LRRTM4: variants seen among roughly 807,000 people sequenced by gnomAD.
LRRTM4 encodes the protein leucine-rich repeat transmembrane neuronal protein 4.
LRRTM4 carries 25 observed loss-of-function variants against 47.6 expected under a neutral mutation model. The ratio of observed to expected loss-of-function variants is 0.53; its 90% CI spans 0.38 to 0.73. The LOEUF (loss-of-function observed/expected upper bound fraction) is 0.73, where lower values mean the gene tolerates loss of function less well. Among genes scored for constraint, LRRTM4 ranks in the 30% least tolerant of loss-of-function variants. The pLI is 0.00. For synonymous variants in LRRTM4, 311 were observed against 269.5 expected, an observed-to-expected ratio of 1.15 and a Z score of -1.51; for missense variants, 638 against 713.4, an observed-to-expected ratio of 0.89 and a Z score of 1.20.
intron 3 of LRRTM4, among the ~76,000 whole-genome samples, chr2:76,873,019 G>A (rs930525014): frequency 2.0e-5 from 3 of 152,078 alleles, no homozygotes; most frequent in African/African-American, 4.8e-5. Flanking sequence ...TGTATAGCCT[G>A]TAGAATGATG....
chr2:77,085,436 T>C (rs1218510145), intron 3 of LRRTM4, among the ~76,000 whole-genome samples: 2 of 151,654 alleles, frequency 1.3e-5, no homozygotes, highest in African/African-American at 4.8e-5. Flanking sequence ...AATCTGATGC[T>C]ATCTCTTTCT....
At chr2:76,915,583 A>C (rs551060334) in intron 3 of LRRTM4, among the ~76,000 whole-genome samples, 1 of 152,254 alleles carries the variant, frequency 6.6e-6, no homozygotes, top group African/African-American at 2.4e-5. Context: ...GTAAATCTGA[A>C]TGTTTTATTT....
intron 3 of LRRTM4, chr2:77,009,527 A>G (rs1558795217): frequency 6.6e-6 from 1 of 152,162 alleles, no homozygotes; most frequent in Non-Finnish European, 1.5e-5. Flanking sequence ...CACATTTTCA[A>G]GTGCCAAAAG....
At chr2:77,504,164 C>T (rs989951211) in intron 3 of LRRTM4, among the ~76,000 whole-genome samples, 1 of 151,588 alleles carries the variant, frequency 6.6e-6, no homozygotes, top group East Asian at 1.9e-4. Context: ...GATATAGATT[C>T]AGGTCAGCAA....
chr2:77,065,241 A>C (rs1203623778), intron 3 of LRRTM4, among the ~76,000 whole-genome samples: 1 of 152,136 alleles, frequency 6.6e-6, no homozygotes, highest in African/African-American at 2.4e-5. Flanking sequence ...TTTCCACTCA[A>C]ATTTGCTGGA....
At chr2:76,987,772 T>A (rs6547110) in intron 3 of LRRTM4, among the ~76,000 whole-genome samples, 86,359 of 151,460 alleles carry the variant, frequency 0.57, 26,671 homozygotes, top group African/African-American at 0.8. Context: ...TAACATGAGC[T>A]CATGGTGTTC....
chr2:76,975,817 T>C (rs762838916), intron 3 of LRRTM4, among the ~76,000 whole-genome samples: 1 of 151,546 alleles, frequency 6.6e-6, no homozygotes, highest in Non-Finnish European at 1.5e-5. Context: ...TCTTATACTC[T>C]CTTATTTATT....
intron 3 of LRRTM4, among the ~76,000 whole-genome samples, chr2:76,820,930 T>C (rs1054762751): frequency 6.6e-6 from 1 of 151,626 alleles, no homozygotes; most frequent in Non-Finnish European, 1.5e-5. Context: ...TAGGGCAAAC[T>C]GGTAGGACAT....
chr2:77,024,637 T>G (rs1443634754), intron 3 of LRRTM4, among the ~76,000 whole-genome samples: 1 of 152,170 alleles, frequency 6.6e-6, no homozygotes, highest in Non-Finnish European at 1.5e-5. Context: ...GTTTTTATAG[T>G]ATTTTTTCCT....
intron 3 of LRRTM4, among the ~76,000 whole-genome samples, chr2:77,128,301 G>A (rs1671705787): frequency 6.6e-6 from 1 of 152,062 alleles, no homozygotes; most frequent in African/African-American, 2.4e-5. Flanking sequence ...AAAGCAGTTG[G>A]TATGATTTGA....
At chr2:76,823,335 G>T (rs1347651472) in intron 3 of LRRTM4, among the ~76,000 whole-genome samples, 2 of 151,308 alleles carry the variant, frequency 1.3e-5, no homozygotes, top group Non-Finnish European at 3.0e-5. Context: ...AAAGCAATCA[G>T]CCATGAATAC....
chr2:77,331,232 G>A (rs1287149856), intron 3 of LRRTM4, among the ~76,000 whole-genome samples: 1 of 152,012 alleles, frequency 6.6e-6, no homozygotes, highest in Non-Finnish European at 1.5e-5. Context: ...TCTTATGACA[G>A]ATGTATATTC....
chr2:77,489,989 C>A (rs1250882604), intron 3 of LRRTM4, among the ~76,000 whole-genome samples: 1 of 152,182 alleles, frequency 6.6e-6, no homozygotes, highest in Non-Finnish European at 1.5e-5. Context: ...GTGGCTAACG[C>A]CTGTAATCCC....
intron 3 of LRRTM4, among the ~76,000 whole-genome samples, chr2:76,808,530 T>C (rs1319290450): frequency 6.6e-6 from 1 of 151,924 alleles, no homozygotes; most frequent in Non-Finnish European, 1.5e-5. Context: ...ACAATCACAA[T>C]TTTGGGGGTT....
chr2:76,859,247 T>C (rs1672243878), intron 3 of LRRTM4, among the ~76,000 whole-genome samples: 5 of 152,150 alleles, frequency 3.3e-5, no homozygotes, highest in Admixed American at 3.3e-4. Context: ...ATCCCAGCTT[T>C]GTCATTTACT....
rs551082636 is a variant in LRRTM4 at position 77,276,351 on chromosome 2, A to G, written c.1551+241967T>C. On this transcript the variant is annotated intron_variant, in intron 3 of 3. Coordinates refer to ENST00000409884, the MANE Select transcript of LRRTM4 (RefSeq NM_001134745.3). The stretch of plus-strand genomic sequence containing the variant: ...AAGGAAGGAAGGAAGGAAGGAAAAA[A>G]GGAAGGAAGGAGAGAAGGAAGGAAG... Among the ~76,000 whole-genome samples, 17 of 128,682 alleles carry G rather than the reference A, an allele frequency of 1.3e-4. No individual in the cohort carries two copies. In the South Asian group the frequency reaches 4.0e-3, roughly 30 times the overall value. 84.4% of individuals were successfully genotyped at this position (128,682 alleles called of 152,430 possible).
chr2:76,796,387 G>C (rs1000594610), intron 3 of LRRTM4, among the ~76,000 whole-genome samples: 1 of 130,812 alleles, frequency 7.6e-6, no homozygotes, highest in African/African-American at 3.0e-5. Flanking sequence ...CAAAAAGACA[G>C]CAGTAACCTC....
intron 3 of LRRTM4, among the ~76,000 whole-genome samples, chr2:77,251,592 C>T (rs1476525135): frequency 3.3e-5 from 5 of 152,032 alleles, no homozygotes; most frequent in East Asian, 1.9e-4. Flanking sequence ...CATCTAATCT[C>T]CACAAAAATC....
chr2:77,012,866 G>A (rs895991608), intron 3 of LRRTM4, among the ~76,000 whole-genome samples: 1 of 152,150 alleles, frequency 6.6e-6, no homozygotes, highest in African/African-American at 2.4e-5. Flanking sequence ...ATACCAATTT[G>A]TAATTACTAC....
Sources: allele counts gnomAD v4.1 joint callset (sites outside exome capture counted in the v4.1 genomes callset), GRCh38; gene constraint gnomAD v4.1.1; transcripts MANE v1.5; gene names NCBI Gene and HGNC (gene_info 2026-07-23, HGNC 2026-07-21).